Variants in MPP4 observed in about 807,000 individuals in gnomAD.
MPP4 encodes MAGUK p55 scaffold protein 4.
In MPP4, 91 loss-of-function variants were observed where a neutral mutation model predicts 98.3. The ratio of observed to expected loss-of-function variants is 0.93; its 90% confidence interval spans 0.78 to 1.10. The LOEUF is 1.10. Ranked by LOEUF, MPP4 falls within the 50% of genes least tolerant of loss-of-function variation. The probability of loss-of-function intolerance (pLI) is 0.00; values close to 1 mark genes in which losing one functional copy is unlikely to be tolerated. For synonymous variants in MPP4, 261 were observed against 271.8 expected, an observed-to-expected ratio of 0.96 and a Z score of 0.39; for missense variants, 744 against 792.9, an observed-to-expected ratio of 0.94 and a Z score of 0.74.
intron 11 of MPP4, among the ~76,000 whole-genome samples, chr2:201,670,923 G>A (rs1688324377): frequency 6.6e-6 from 1 of 152,212 alleles, no homozygotes; most frequent in South Asian, 2.1e-4. Context: ...CCAAAGCAGG[G>A]TGGGGTGTTG....
At chr2:201,658,396 GA>G in intron 16 of MPP4, 80 bp downstream of exon 16, 1 of 1,230,186 alleles carries the variant, frequency 8.1e-7, no homozygotes. Flanking sequence ...ATTAGCAAAA[GA>G]AACTTTCAAA....
chr2:201,664,059 C>G, intron 14 of MPP4, 22 bp downstream of exon 14: 1 of 1,481,658 alleles, frequency 6.7e-7, no homozygotes, highest in Admixed American at 2.1e-5. Flanking sequence ...AAATCAGTAC[C>G]AAATACTCAT....
At chr2:201,681,429 A>G in intron 9 of MPP4, 67 bp downstream of exon 9, 5 of 1,252,600 alleles carry the variant, frequency 4.0e-6, no homozygotes, top group Non-Finnish European at 5.8e-6. Context: ...ATTATTACGC[A>G]TCATATTTAG....
At chr2:201,683,053 G>A in intron 7 of MPP4, 137 bp from the exon 8 acceptor site, 3 of 562,820 alleles carry the variant, frequency 5.3e-6, no homozygotes, top group South Asian at 2.8e-5. Flanking sequence ...TAATAGAAAA[G>A]AAAGCTGGTT....
At chr2:201,679,865 A>C (rs2105937231) in intron 10 of MPP4, among the ~76,000 whole-genome samples, 1 of 152,256 alleles carries the variant, frequency 6.6e-6, no homozygotes, top group African/African-American at 2.4e-5. Flanking sequence ...ATCCCACTCT[A>C]ATGAGGATTT....
chr2:201,657,601 G>GTTTTTTTT (rs1393900511), intron 16 of MPP4, among the ~76,000 whole-genome samples: 6 of 105,018 alleles, frequency 5.7e-5, no homozygotes, highest in African/African-American at 1.5e-4. Context: ...TTTTTTTTTT[G>GTTTTTTTT]TTTTTTTGTT....
At chr2:201,658,214 T>C (rs73053604) in intron 16 of MPP4, among the ~76,000 whole-genome samples, 3,992 of 152,200 alleles carry the variant, frequency 0.026, 183 homozygotes, top group African/African-American at 0.09. Context: ...GATAAATAGG[T>C]TACGAAACAG....
chr2:201,650,425 G>A (rs1375828299), intron 18 of MPP4: 1 of 985,210 alleles, frequency 1.0e-6, no homozygotes, highest in East Asian at 1.1e-4. Context: ...AGACCTAAGG[G>A]AACACCTGTT....
At chr2:201,670,837 C>T (rs1360299577) in intron 11 of MPP4, among the ~76,000 whole-genome samples, 1 of 152,200 alleles carries the variant, frequency 6.6e-6, no homozygotes, top group Non-Finnish European at 1.5e-5. Context: ...CAGGTGATTT[C>T]TGCATTTCCA....
At chr2:201,682,485 C>T (rs1466254423) in intron 8 of MPP4, among the ~76,000 whole-genome samples, 1 of 152,190 alleles carries the variant, frequency 6.6e-6, no homozygotes, top group Non-Finnish European at 1.5e-5. Flanking sequence ...GGTTCAGACT[C>T]TCCTACTAAG....
At chr2:201,656,121 A>G in intron 17 of MPP4, 77 bp downstream of exon 17, 2 of 1,433,876 alleles carry the variant, frequency 1.4e-6, no homozygotes, top group Admixed American at 2.6e-5. Context: ...TTTCACCATT[A>G]TTCCCAATGC....
At chr2:201,663,829 C>T (rs536901240) in intron 14 of MPP4, among the ~76,000 whole-genome samples, 1 of 152,172 alleles carries the variant, frequency 6.6e-6, no homozygotes, top group African/African-American at 2.4e-5. Context: ...CTGCAATGAG[C>T]CATGATCACA....
rs1479110624 is a variant in MPP4 at position 201,698,589 on chromosome 2, G to T, written c.-103C>A. On this transcript the variant is annotated splice_region_variant and 5_prime_UTR_variant, in exon 1 of 22. Coordinates refer to ENST00000409474, the MANE Select transcript of MPP4 (RefSeq NM_033066.3). Reference sequence around the variant, plus strand: ...GATTATTTGCCAAGGTCTCTTACCTGCAAGACTGTAAACATGCATGTTGCT... The same window carrying T: ...GATTATTTGCCAAGGTCTCTTACCTTCAAGACTGTAAACATGCATGTTGCT... 6.9e-6 allele frequency: 9 copies of T among 1,303,970 alleles called. No individual in the cohort carries two copies. The South Asian group carries it at 1.1e-4, about 16-fold the overall frequency. The allele number at this position is 1,303,970 out of a possible 1,614,324, so 80.8% of individuals were successfully genotyped here. A position where few individuals can be genotyped will look rare whatever the true frequency, so the allele number is the denominator to read the frequency against.
At chr2:201,654,572 T>C (rs892321947) in intron 18 of MPP4, among the ~76,000 whole-genome samples, 1 of 152,136 alleles carries the variant, frequency 6.6e-6, no homozygotes, top group African/African-American at 2.4e-5. Flanking sequence ...TATACATATG[T>C]AACAAACCTG....
At chr2:201,661,342 C>G (rs1009077786) in intron 14 of MPP4, 1 of 453,016 alleles carries the variant, frequency 2.2e-6, no homozygotes, top group East Asian at 7.0e-5. Flanking sequence ...AACTGAAGAA[C>G]CTTAACTGCT....
Position 201,650,144 on chromosome 2 carries a change from C to T in MPP4, c.1403G>A (p.Ser468Asn). The change falls in exon 19 of 22, where the codon AGT becomes AAT. Residue 468 changes from serine (S) to asparagine (N), a missense_variant. Coordinates refer to ENST00000409474, the MANE Select transcript of MPP4 (RefSeq NM_033066.3). ...AVPHTTRTKK[S>N]YEMNGREYHY... is the part of the protein sequence containing the mutation. ...ATACTCACGCCCATTCATTTCGTAA[C>T]TCTTTTTAGTACGAGTAGTGTCTAT... is the stretch of plus-strand genomic sequence containing the variant. 1.3e-6 allele frequency: 2 copies of T among 1,575,308 alleles called. No homozygotes were observed. Among genetic ancestry groups the T allele is most frequent in the East Asian group, 2.3e-5 (1 of 43,846 alleles).
chr2:201,677,532 C>T (rs1177926832), intron 10 of MPP4, among the ~76,000 whole-genome samples: 4 of 152,128 alleles, frequency 2.6e-5, no homozygotes. Context: ...ACAAGCAAAA[C>T]CAAAACAAAA....
intron 8 of MPP4, among the ~76,000 whole-genome samples, chr2:201,682,156 A>C (rs909130065): frequency 6.6e-6 from 1 of 152,134 alleles, no homozygotes; most frequent in African/African-American, 2.4e-5. Context: ...GAATTTCAAA[A>C]TCCCACTGTC....
chr2:201,672,040 A>G (rs1688357586), intron 11 of MPP4, among the ~76,000 whole-genome samples: 1 of 152,218 alleles, frequency 6.6e-6, no homozygotes, highest in Admixed American at 6.5e-5. Context: ...CGGAAATCAT[A>G]ACAGTCTCTC....
Sources: allele counts gnomAD v4.1 joint callset (sites outside exome capture counted in the v4.1 genomes callset), GRCh38; gene constraint gnomAD v4.1.1; transcripts MANE v1.5; gene names NCBI Gene and HGNC (gene_info 2026-07-23, HGNC 2026-07-21).